The following TTC7B variants were observed in gnomAD, a reference collection of about 807,000 sequenced individuals.
The protein encoded by TTC7B is tetratricopeptide repeat domain 7B, also known as tetratricopeptide repeat protein 7B.
Under a neutral mutation model 106.8 loss-of-function variants are expected in TTC7B, and 28 were observed. The observed-to-expected ratio is 0.26, with a 90% confidence interval of 0.19 to 0.36. The LOEUF (loss-of-function observed/expected upper bound fraction) is 0.36, where lower values mean the gene tolerates loss of function less well. TTC7B is among the 10% of genes least tolerant of loss of function. The pLI is 1.00. For missense variants in TTC7B, 862 were observed against 1,076.4 expected (o/e 0.80, Z 2.79); for synonymous variants, 405 against 430.6 (o/e 0.94, Z 0.74).
rs375484969 is a variant in TTC7B at position 90,610,658 on chromosome 14, A to G, written c.1966+84T>C. Reference sequence around the variant, plus strand: ...AAGAAATTTTTCCAACCCCAACCCGATCAGTCTCATCCCATGTCACTTGGT... The same window carrying G: ...AAGAAATTTTTCCAACCCCAACCCGGTCAGTCTCATCCCATGTCACTTGGT... On this transcript the variant is annotated intron_variant, in intron 17 of 19. Coordinates refer to ENST00000328459, the MANE Select transcript of TTC7B (RefSeq NM_001010854.2). 6 of 987,080 alleles carry G rather than the reference A, an allele frequency of 6.1e-6. No individual in the cohort carries two copies. In the African/African-American group the frequency reaches 6.4e-5, roughly 11 times the overall value. The allele number at this position is 987,080 out of a possible 1,614,324, so 61.1% of individuals were successfully genotyped here. A position where few individuals can be genotyped will look rare whatever the true frequency, so the allele number is the denominator to read the frequency against.
chr14:90,682,581 C>T (rs1952029), intron 7 of TTC7B, among the ~76,000 whole-genome samples: 16,509 of 152,228 alleles, frequency 0.11, 1,009 homozygotes, highest in Admixed American at 0.19. Context: ...ACTGTTGGGG[C>T]CTTCCTTTTG....
intron 7 of TTC7B, among the ~76,000 whole-genome samples, chr14:90,686,542 T>G (rs1300456919): frequency 6.6e-6 from 1 of 152,188 alleles, no homozygotes; most frequent in Non-Finnish European, 1.5e-5. Context: ...ACCATCTATA[T>G]TAGTATTAAT....
chr14:90,680,504 C>A lies in TTC7B; in HGVS notation c.982G>T (p.Ala328Ser). The A allele has an allele frequency of 6.2e-7, 1 of 1,613,946 alleles. No individual in the cohort carries two copies. Among genetic ancestry groups the A allele is most frequent in the Non-Finnish European group, 8.5e-7 (1 of 1,179,912 alleles). ...IFCPQENTEE[A>S]LLLLLISESM... ...TCACTAATCAGCAATAACAACAGGG[C>A]TTCTTCCGTATTTTCTTGAGGACAA... Residue 328 changes from alanine (A) to serine (S), a missense_variant, in exon 8 of 20, where the codon GCC (alanine) becomes TCC (serine). Ala to Ser is a moderately conservative substitution (Grantham distance 99, BLOSUM62 1). Transcript: ENST00000328459.
At chr14:90,675,490 G>A (rs564937412) in intron 9 of TTC7B, among the ~76,000 whole-genome samples, 65 of 152,212 alleles carry the variant, frequency 4.3e-4, no homozygotes, top group Middle Eastern at 6.8e-3. Flanking sequence ...GGGCTGAGCC[G>A]CATGTGGTGG....
At chr14:90,637,081 G>C (rs1472312282) in intron 15 of TTC7B, among the ~76,000 whole-genome samples, 1 of 151,776 alleles carries the variant, frequency 6.6e-6, no homozygotes, top group Non-Finnish European at 1.5e-5. Flanking sequence ...CCACAAGTGA[G>C]TTGACAAAAA....
At chr14:90,793,955 T>C (rs1891679448) in intron 1 of TTC7B, among the ~76,000 whole-genome samples, 1 of 151,416 alleles carries the variant, frequency 6.6e-6, no homozygotes, top group South Asian at 2.1e-4. Flanking sequence ...CAGGCTGGAG[T>C]GCAGTGGCAC....
At chr14:90,694,293 A>G (rs539808782) in intron 6 of TTC7B, among the ~76,000 whole-genome samples, 2 of 152,266 alleles carry the variant, frequency 1.3e-5, no homozygotes, top group South Asian at 4.1e-4. Flanking sequence ...AAATGCCCCA[A>G]ATAGGCAAAT....
intron 5 of TTC7B, among the ~76,000 whole-genome samples, chr14:90,708,282 G>A (rs1464796277): frequency 1.3e-5 from 2 of 151,598 alleles, no homozygotes; most frequent in East Asian, 3.9e-4. Flanking sequence ...TTTCAATGTA[G>A]ATGAAACAGC....
At position 90,537,375 on chromosome 14, in the gene TTC7B, G is replaced by GT. The variant is rs1555372751; in HGVS notation, c.*3992_*3993insA. 1 of 135,214 alleles carries GT rather than the reference G, an allele frequency of 7.4e-6. No homozygotes were observed. 8.4% of individuals were successfully genotyped at this position (135,214 alleles called of 1,614,324 possible). A position where few individuals can be genotyped will look rare whatever the true frequency, so the allele number is the denominator to read the frequency against. On this transcript the variant is annotated 3_prime_UTR_variant, in exon 20 of 20. Coordinates refer to ENST00000328459, the MANE Select transcript of TTC7B (RefSeq NM_001010854.2). ...CTATTTTTTTTTTTTTGTAGAGATG[G>GT]GGGGGGGGTCTCACCATGTTGCCCA...
At chr14:90,662,317 A>C (rs981402357) in intron 9 of TTC7B, among the ~76,000 whole-genome samples, 3 of 152,242 alleles carry the variant, frequency 2.0e-5, no homozygotes, top group Non-Finnish European at 2.9e-5. Context: ...AAATTGGGGC[A>C]GGGCCCTTGT....
chr14:90,564,181 T>C (rs1392014647), intron 19 of TTC7B, among the ~76,000 whole-genome samples: 1 of 152,108 alleles, frequency 6.6e-6, no homozygotes, highest in South Asian at 2.1e-4. Context: ...GGCTGTAAAG[T>C]GGATGCTGTG....
At chr14:90,731,483 G>A (rs79553362) in intron 4 of TTC7B, among the ~76,000 whole-genome samples, 7,412 of 152,290 alleles carry the variant, frequency 0.049, 216 homozygotes, top group Non-Finnish European at 0.061. Flanking sequence ...AAGCTTTGGG[G>A]AAAAGAAAGG....
intron 3 of TTC7B, among the ~76,000 whole-genome samples, chr14:90,747,665 C>CAGA (rs1415806005): frequency 2.6e-5 from 4 of 152,306 alleles, no homozygotes; most frequent in South Asian, 2.1e-4. Flanking sequence ...TGTCCCAAGG[C>CAGA]ATCTATATCC....
intron 9 of TTC7B, among the ~76,000 whole-genome samples, chr14:90,669,546 A>G (rs1330371317): frequency 6.8e-6 from 1 of 147,200 alleles, no homozygotes; most frequent in Admixed American, 6.9e-5. Context: ...AAAAAAAAAA[A>G]AAAGCAGGTG....
At chr14:90,650,776 A>G (rs1167999747) in intron 13 of TTC7B, among the ~76,000 whole-genome samples, 1 of 152,228 alleles carries the variant, frequency 6.6e-6, no homozygotes, top group Non-Finnish European at 1.5e-5. Context: ...TGCAAACAAT[A>G]TTATGTTCTT....
chr14:90,544,689 C>A (rs1254952554), intron 19 of TTC7B, among the ~76,000 whole-genome samples: 1 of 152,150 alleles, frequency 6.6e-6, no homozygotes, highest in Non-Finnish European at 1.5e-5. Context: ...GAGAACGTTC[C>A]AACGTAACTA....
intron 1 of TTC7B, among the ~76,000 whole-genome samples, chr14:90,798,609 C>T (rs1458789401): frequency 6.9e-6 from 1 of 144,658 alleles, no homozygotes; most frequent in African/African-American, 2.5e-5. Context: ...ACTGGGGAGG[C>T]TGAGGCAGGA....
intron 1 of TTC7B, among the ~76,000 whole-genome samples, chr14:90,813,102 C>A (rs1220842448): frequency 1.3e-5 from 2 of 152,194 alleles, no homozygotes; most frequent in Non-Finnish European, 2.9e-5. Context: ...CCATGAAGTT[C>A]CCTCCCTAGA....
At position 90,776,140 on chromosome 14, in the gene TTC7B, G is replaced by GACTGAC. The variant is rs1438147499; in HGVS notation, c.445+4597_445+4598insGTCAGT. Reference sequence around the variant, plus strand: ...AGCAGGGCAGGAGAGGGCCCCCCGTGACACACACACACACACACACACACA... The same window carrying GACTGAC: ...AGCAGGGCAGGAGAGGGCCCCCCGTGACTGACACACACACACACACACACACACACA... On this transcript the variant is annotated intron_variant, in intron 3 of 19. Transcript: ENST00000328459. Among the ~76,000 whole-genome samples, 25 of 140,290 alleles carry GACTGAC rather than the reference G, an allele frequency of 1.8e-4. 1 individual carries two copies. Among genetic ancestry groups the GACTGAC allele is most frequent in the Non-Finnish European group, 3.2e-4 (21 of 65,488 alleles). The allele number at this position is 140,290 out of a possible 152,430, so 92.0% of individuals were successfully genotyped here. A position where few individuals can be genotyped will look rare whatever the true frequency, so the allele number is the denominator to read the frequency against.
Sources: gnomAD v4.1 joint callset for allele counts (sites outside exome capture counted in the v4.1 genomes callset) on GRCh38, gnomAD v4.1.1 for gene constraint, MANE v1.5 for transcripts, NCBI Gene and HGNC (gene_info 2026-07-23, HGNC 2026-07-21) for gene names.